SUN1: variants seen among roughly 807,000 people sequenced by gnomAD.
SUN1 encodes SUN domain-containing protein 1.
In SUN1, 61 loss-of-function variants were observed where a neutral mutation model predicts 103.2. That is an observed-to-expected ratio of 0.59 (90% CI 0.48 to 0.73). The LOEUF is 0.73. Among genes scored for constraint, SUN1 ranks in the 30% least tolerant of loss-of-function variants. The probability of loss-of-function intolerance (pLI) is 0.00; values close to 1 mark genes in which losing one functional copy is unlikely to be tolerated. For missense variants in SUN1, 1,052 were observed against 1,034.6 expected, an observed-to-expected ratio of 1.02 and a Z score of -0.23; for synonymous variants, 490 against 425.7, an observed-to-expected ratio of 1.15 and a Z score of -1.86.
chr7:837,379 C>T (rs1804456528), intron 1 of SUN1, among the ~76,000 whole-genome samples: 2 of 152,156 alleles, frequency 1.3e-5, no homozygotes, highest in African/African-American at 2.4e-5. Flanking sequence ...GTGCCTTTGT[C>T]GGGCAGGTGC....
chr7:842,172 G>A (rs759467349), intron 3 of SUN1, 42 bp downstream of exon 3: 5 of 1,595,730 alleles, frequency 3.1e-6, no homozygotes, highest in African/African-American at 2.7e-5. Context: ...CTACAGTTGG[G>A]GTGTTTCTCA....
chr7:861,970 TG>T (rs1222851642), intron 15 of SUN1, among the ~76,000 whole-genome samples: 1 of 152,130 alleles, frequency 6.6e-6, no homozygotes, highest in African/African-American at 2.4e-5. Context: ...CCAGACCTCT[TG>T]GGGCAGATGC....
chr7:842,999 A>G, intron 3 of SUN1: 1 of 713,832 alleles, frequency 1.4e-6, no homozygotes, highest in East Asian at 2.7e-5. Flanking sequence ...GTCTGTCTGT[A>G]TTTTCTTCAA....
intron 13 of SUN1, 124 bp from the exon 14 acceptor site, chr7:860,004 C>G: frequency 7.9e-7 from 1 of 1,264,552 alleles, no homozygotes; most frequent in Non-Finnish European, 1.1e-6. Context: ...AAAACACTGT[C>G]ACAATGACAT....
rs184483993 is a variant in SUN1, at chr7:836,460, G to A, written c.78-2338G>A. 9.2e-5 allele frequency among the ~76,000 whole-genome samples: 14 copies of A among 152,378 alleles called. No individual in the cohort carries two copies. The East Asian group carries it at 2.7e-3, about 29-fold the overall frequency. On this transcript the variant is annotated intron_variant, in intron 1 of 18. Transcript: ENST00000401592. ...CAAGGGGAGACTCAGGGCAGCCGAT[G>A]GTGTAAGTTCCAGGCCAAGTCCAGA...
intron 1 of SUN1, among the ~76,000 whole-genome samples, chr7:834,562 CTT>C (rs1163349731): frequency 6.6e-6 from 1 of 152,208 alleles, no homozygotes. Flanking sequence ...TCCTTACACT[CTT>C]CTCTGCTTCC....
intron 1 of SUN1, among the ~76,000 whole-genome samples, chr7:823,981 AAG>A (rs1222688084): frequency 6.6e-6 from 1 of 152,240 alleles, no homozygotes; most frequent in Non-Finnish European, 1.5e-5. Flanking sequence ...TCAAAACAGT[AAG>A]AGTAGGAGAG....
intron 12 of SUN1, among the ~76,000 whole-genome samples, chr7:857,088 C>T (rs1413749859): frequency 6.6e-6 from 1 of 152,168 alleles, no homozygotes; most frequent in Non-Finnish European, 1.5e-5. Flanking sequence ...CACAGGTGTT[C>T]CCAACATGGC....
At chr7:829,052 G>A (rs1290212795), upstream of SUN1, among the ~76,000 whole-genome samples, 1 of 152,266 alleles carries the variant, frequency 6.6e-6, no homozygotes, top group East Asian at 1.9e-4. Context: ...GGCAGCCAGG[G>A]AGGCACAGAT....
intron 11 of SUN1, among the ~76,000 whole-genome samples, chr7:855,803 C>T (rs926705797): frequency 5.4e-5 from 8 of 147,956 alleles, no homozygotes; most frequent in African/African-American, 1.8e-4. Context: ...TCTGTCCACC[C>T]GAGAGGGTCT....
chr7:834,991 G>A (rs528006512), intron 1 of SUN1, among the ~76,000 whole-genome samples: 2 of 152,326 alleles, frequency 1.3e-5, no homozygotes, highest in African/African-American at 4.8e-5. Flanking sequence ...CAGGAGAATC[G>A]CTTGAACCCA....
At chr7:843,741 T>G in intron 5 of SUN1, 1 of 1,427,726 alleles carries the variant, frequency 7.0e-7, no homozygotes, top group African/African-American at 1.4e-5. Context: ...TGAAATTCTA[T>G]AAATTTGGAC....
chr7:829,767 G>A (rs551780898), upstream of SUN1, among the ~76,000 whole-genome samples: 5 of 152,070 alleles, frequency 3.3e-5, no homozygotes, highest in East Asian at 9.7e-4. Flanking sequence ...TGTTAGCCAG[G>A]ATGGTCTCGA....
At chr7:865,738 C>T (rs773272170) in intron 15 of SUN1, among the ~76,000 whole-genome samples, 6 of 152,196 alleles carry the variant, frequency 3.9e-5, no homozygotes, top group Non-Finnish European at 5.9e-5. Flanking sequence ...TCCACATCCT[C>T]GCCAGCATTT....
intron 1 of SUN1, among the ~76,000 whole-genome samples, chr7:823,550 C>A (rs534899101): frequency 2.0e-5 from 3 of 152,182 alleles, no homozygotes; most frequent in African/African-American, 7.2e-5. Context: ...TCCCTGGAGC[C>A]ACGGTGGATT....
intron 2 of SUN1, chr7:839,226 A>C: frequency 2.3e-6 from 1 of 426,314 alleles, no homozygotes; most frequent in Non-Finnish European, 4.1e-6. Flanking sequence ...TCTTGTTTCA[A>C]GTTCTCTTCG....
intron 15 of SUN1, among the ~76,000 whole-genome samples, chr7:861,960 C>G (rs773880176): frequency 7.2e-5 from 11 of 152,188 alleles, no homozygotes; most frequent in African/African-American, 2.7e-4. Context: ...CAAGCCTAGG[C>G]CAGACCTCTT....
chr7:853,788 CCGT>C (rs1824423881), intron 10 of SUN1, among the ~76,000 whole-genome samples, 170 bp downstream of exon 10: 1 of 152,182 alleles, frequency 6.6e-6, no homozygotes, highest in Non-Finnish European at 1.5e-5. Context: ...AGTGGGTTTC[CCGT>C]CGTCTGCCGA....
chr7:829,802 C>T (rs1308114354), upstream of SUN1, among the ~76,000 whole-genome samples: 2 of 152,202 alleles, frequency 1.3e-5, no homozygotes, highest in Non-Finnish European at 2.9e-5. Context: ...GATCTGCCCT[C>T]CTCGGCCTCC....
Sources: gnomAD v4.1 joint callset for allele counts (sites outside exome capture counted in the v4.1 genomes callset) on GRCh38, gnomAD v4.1.1 for gene constraint, MANE v1.5 for transcripts, NCBI Gene and HGNC (gene_info 2026-07-23, HGNC 2026-07-21) for gene names.